Variants in BBS9 observed in about 807,000 individuals in gnomAD.
BBS9 encodes the protein protein PTHB1.
Under a neutral mutation model 117.7 loss-of-function variants are expected in BBS9, and 89 were observed. The observed-to-expected ratio is 0.76, with a 90% CI of 0.64 to 0.90. BBS9 has a LOEUF of 0.90. Among genes scored for constraint, BBS9 ranks in the 40% least tolerant of loss-of-function variants. BBS9 has a pLI of 0.00. For synonymous variants in BBS9, 379 were observed against 370.9 expected (o/e 1.02, Z -0.25); for missense variants, 982 against 1,042.2 (o/e 0.94, Z 0.80).
At chr7:33,381,477 T>C (rs1287151659) in intron 17 of BBS9, among the ~76,000 whole-genome samples, 1 of 152,134 alleles carries the variant, frequency 6.6e-6, no homozygotes, top group Non-Finnish European at 1.5e-5. Context: ...AGAGTTAATA[T>C]GTTGGATCTC....
At chr7:33,173,864 T>A (rs1796960979) in intron 4 of BBS9, among the ~76,000 whole-genome samples, 1 of 152,216 alleles carries the variant, frequency 6.6e-6, no homozygotes, top group African/African-American at 2.4e-5. Context: ...CTCTCAGACC[T>A]CCTTGGTCAA....
chr7:33,210,505 G>T (rs1046303851), intron 5 of BBS9, among the ~76,000 whole-genome samples: 2 of 152,040 alleles, frequency 1.3e-5, no homozygotes, highest in Non-Finnish European at 2.9e-5. Flanking sequence ...AGCTACTATT[G>T]TGTTGAGTTC....
intron 9 of BBS9, among the ~76,000 whole-genome samples, chr7:33,331,044 A>G (rs1813927903): frequency 6.6e-6 from 1 of 152,240 alleles, no homozygotes; most frequent in South Asian, 2.1e-4. Flanking sequence ...AACCGAATCT[A>G]ACAGCACATC....
chr7:33,238,100 C>T (rs1429845338), intron 5 of BBS9, among the ~76,000 whole-genome samples: 12 of 152,144 alleles, frequency 7.9e-5, no homozygotes, highest in East Asian at 3.8e-4. Flanking sequence ...GATATAAATC[C>T]GCCAATATTT....
intron 20 of BBS9, among the ~76,000 whole-genome samples, chr7:33,527,292 G>A (rs927742752): frequency 4.6e-5 from 7 of 152,182 alleles, no homozygotes; most frequent in African/African-American, 2.4e-5. Flanking sequence ...CGAGCTTCCT[G>A]GCTGCTTTGT....
At chr7:33,175,168 G>T (rs955925785) in intron 4 of BBS9, among the ~76,000 whole-genome samples, 5 of 152,104 alleles carry the variant, frequency 3.3e-5, no homozygotes, top group Non-Finnish European at 5.9e-5. Flanking sequence ...GCTGGGTGTG[G>T]TGGCAGGTGC....
intron 20 of BBS9, among the ~76,000 whole-genome samples, chr7:33,516,432 T>C (rs1847810468): frequency 7.6e-6 from 1 of 132,036 alleles, no homozygotes; most frequent in African/African-American, 2.9e-5. Flanking sequence ...GAGGTTGCAG[T>C]GAGCTAAAAT....
chr7:33,186,576 G>A (rs960522327), intron 5 of BBS9, among the ~76,000 whole-genome samples: 15 of 152,104 alleles, frequency 9.9e-5, no homozygotes, highest in East Asian at 3.8e-4. Context: ...CTTCTGGGTC[G>A]TATGTTTGCT....
intron 21 of BBS9, among the ~76,000 whole-genome samples, chr7:33,565,541 C>T (rs970656679): frequency 6.6e-6 from 1 of 151,624 alleles, no homozygotes; most frequent in African/African-American, 2.4e-5. Context: ...TCTTGGTTCC[C>T]TGTCTTTTTG....
At position 33,392,225 on chromosome 7, in the gene BBS9, A is replaced by G. The variant is rs569461721; in HGVS notation, c.2115+4081A>G. ...CAAACCTTAGTGGCTTAAAACAACAATAATTCATTATTTATTGTTCATGAG... is the reference window on the plus strand; with the variant it reads ...CAAACCTTAGTGGCTTAAAACAACAGTAATTCATTATTTATTGTTCATGAG... On this transcript the variant is annotated intron_variant, in intron 19 of 22. Transcript: ENST00000242067. Among the ~76,000 whole-genome samples, 5 of 152,304 alleles carry G rather than the reference A, an allele frequency of 3.3e-5. No individual in the cohort carries two copies. The South Asian group carries it at 1.0e-3, about 32-fold the overall frequency.
chr7:33,522,613 A>G (rs1257151954), intron 20 of BBS9, among the ~76,000 whole-genome samples: 2 of 151,766 alleles, frequency 1.3e-5, no homozygotes, highest in Non-Finnish European at 2.9e-5. Flanking sequence ...TTTCTTGTAA[A>G]CTTGTTTGAG....
chr7:33,466,466 A>G (rs1443167423), intron 19 of BBS9, among the ~76,000 whole-genome samples: 2 of 152,102 alleles, frequency 1.3e-5, no homozygotes, highest in African/African-American at 2.4e-5. Flanking sequence ...CGTTCTTGCA[A>G]ATGGCAGGGC....
At chr7:33,446,765 G>A (rs1325198226) in intron 19 of BBS9, among the ~76,000 whole-genome samples, 1 of 152,120 alleles carries the variant, frequency 6.6e-6, no homozygotes, top group Non-Finnish European at 1.5e-5. Context: ...CAATATTAGC[G>A]AAAGAAATTG....
intron 21 of BBS9, among the ~76,000 whole-genome samples, chr7:33,594,603 G>A (rs1301383318): frequency 6.6e-6 from 1 of 152,078 alleles, no homozygotes; most frequent in Non-Finnish European, 1.5e-5. Flanking sequence ...AGGGGGTTTT[G>A]CCTCTATATG....
intron 5 of BBS9, among the ~76,000 whole-genome samples, chr7:33,185,765 T>A (rs914822059): frequency 6.6e-6 from 1 of 152,218 alleles, no homozygotes; most frequent in Non-Finnish European, 1.5e-5. Flanking sequence ...TCATGTCATG[T>A]CTCAATAAAG....
chr7:33,190,295 A>G (rs1243229392), intron 5 of BBS9, among the ~76,000 whole-genome samples: 1 of 151,724 alleles, frequency 6.6e-6, no homozygotes, highest in Non-Finnish European at 1.5e-5. Flanking sequence ...AACTTTTTGT[A>G]TTTTTGGTAG....
chr7:33,549,897 G>A (rs1433471026), intron 21 of BBS9, among the ~76,000 whole-genome samples: 2 of 152,144 alleles, frequency 1.3e-5, no homozygotes, highest in Admixed American at 1.3e-4. Flanking sequence ...TAGCTCTGAG[G>A]TTTTGTATCA....
chr7:33,310,405 G>A (rs990730278), intron 9 of BBS9, among the ~76,000 whole-genome samples: 1 of 152,128 alleles, frequency 6.6e-6, no homozygotes, highest in African/African-American at 2.4e-5. Flanking sequence ...TATGTTGGAA[G>A]TGAAACCATG....
At chr7:33,616,491 GTGTA>G (rs1865142100) in intron 21 of BBS9, among the ~76,000 whole-genome samples, 1 of 138,746 alleles carries the variant, frequency 7.2e-6, no homozygotes, top group Non-Finnish European at 1.5e-5. Context: ...GTGTGTGTGT[GTGTA>G]TATATATATA....
Sources: allele counts gnomAD v4.1 joint callset (sites outside exome capture counted in the v4.1 genomes callset), GRCh38; gene constraint gnomAD v4.1.1; transcripts MANE v1.5; gene names NCBI Gene and HGNC (gene_info 2026-07-23, HGNC 2026-07-21).